SYTL2: variants seen among roughly 807,000 people sequenced by gnomAD.
The protein encoded by SYTL2 is synaptotagmin like 2.
SYTL2 carries 165 observed loss-of-function variants against 198.7 expected under a neutral mutation model. The ratio of observed to expected loss-of-function variants is 0.83; its 90% confidence interval spans 0.73 to 0.94. SYTL2 has a LOEUF of 0.94. Ranked by LOEUF, SYTL2 falls within the 40% of genes least tolerant of loss-of-function variation. The pLI is 0.00. For missense variants in SYTL2, 2,835 were observed against 2,582.8 expected, an observed-to-expected ratio of 1.10 and a Z score of -2.12; for synonymous variants, 966 against 917.7, an observed-to-expected ratio of 1.05 and a Z score of -0.95.
rs559241179 is a variant in SYTL2, at chr11:85,745,694, G to A, written c.332C>T (p.Pro111Leu). 4.0e-5 allele frequency: 65 copies of A among 1,613,856 alleles called. No individual in the cohort carries two copies. In the South Asian group the frequency reaches 6.4e-4, roughly 16 times the overall value. Residue 111 changes from proline to leucine, a missense_variant, in exon 4 of 20, where the codon CCA (proline) becomes CTA (leucine). Pro to Leu is a moderately conservative substitution (Grantham distance 98, BLOSUM62 -3). Transcript: ENST00000359152. ...CTCTTCTACAACGCCAGCCAGCTCTGGAGGAAGGAAAGCATCTTTGTTGAC... is the reference window on the plus strand; with the variant it reads ...CTCTTCTACAACGCCAGCCAGCTCTAGAGGAAGGAAAGCATCTTTGTTGAC... The part of the protein sequence containing the change: ...NNVNKDAFLP[P>L]ELAGVVEEPE...
intron 10 of SYTL2, among the ~76,000 whole-genome samples, chr11:85,718,078 T>G (rs1272520857): frequency 6.6e-6 from 1 of 152,206 alleles, no homozygotes; most frequent in Non-Finnish European, 1.5e-5. Flanking sequence ...ATGATTATAG[T>G]GAAGGCAAAT....
chr11:85,799,575 C>A (rs893353900), intron 1 of SYTL2, among the ~76,000 whole-genome samples: 10 of 152,234 alleles, frequency 6.6e-5, no homozygotes, highest in Non-Finnish European at 1.3e-4. Flanking sequence ...CAGCCCACTA[C>A]CTACTTCACT....
chr11:85,853,279 AAAG>A, the SYTL2 span: 1 of 437,642 alleles, frequency 2.3e-6, no homozygotes, highest in East Asian at 7.8e-5. Context: ...TGAGTAGAAA[AAAG>A]TAGACATAGG....
chr11:85,728,477 G>C (rs1478585165), intron 7 of SYTL2, among the ~76,000 whole-genome samples: 1 of 151,868 alleles, frequency 6.6e-6, no homozygotes, highest in African/African-American at 2.4e-5. Context: ...AGTAGAGACG[G>C]GGTTTCACCA....
chr11:85,723,218 C>T (rs745565231), intron 8 of SYTL2, among the ~76,000 whole-genome samples: 40 of 152,298 alleles, frequency 2.6e-4, no homozygotes, highest in Admixed American at 1.2e-3. Flanking sequence ...AACGCCCCCA[C>T]GTTCATGTAG....
chr11:85,845,560 C>T, the SYTL2 span, among the ~76,000 whole-genome samples: 2 of 151,926 alleles, frequency 1.3e-5, no homozygotes, highest in Admixed American at 1.3e-4. Context: ...CCTAGGAGTT[C>T]AAGGTGAGCC....
chr11:85,749,202 A>T (rs569141098), intron 2 of SYTL2, among the ~76,000 whole-genome samples: 15 of 152,328 alleles, frequency 9.8e-5, no homozygotes, highest in Non-Finnish European at 1.6e-4. Flanking sequence ...ACTTTGTTCT[A>T]ACTGACAAGT....
At chr11:85,793,696 C>T (rs532018) in intron 1 of SYTL2, among the ~76,000 whole-genome samples, 150,456 of 152,324 alleles carry the variant, frequency 0.99, 74,401 homozygotes, top group Middle Eastern at 1. Context: ...GGAAATTGTT[C>T]CAACAGACAA....
chr11:85,815,335 T>A (rs1001306215), upstream of SYTL2, among the ~76,000 whole-genome samples: 8 of 152,232 alleles, frequency 5.3e-5, no homozygotes, highest in African/African-American at 1.9e-4. Context: ...GGTAATGTGG[T>A]TAGATGACTT....
At chr11:85,705,737 G>A (rs753355651) in intron 15 of SYTL2, among the ~76,000 whole-genome samples, 2 of 152,122 alleles carry the variant, frequency 1.3e-5, no homozygotes, top group Non-Finnish European at 2.9e-5. Context: ...CTACTTGAAT[G>A]TCCACTGTGG....
intron 1 of SYTL2, among the ~76,000 whole-genome samples, chr11:85,804,920 A>G (rs1287720290): frequency 6.6e-6 from 1 of 152,180 alleles, no homozygotes; most frequent in Non-Finnish European, 1.5e-5. Context: ...GTAGCACCAG[A>G]AAGGAATGAA....
chr11:85,777,812 C>CTTTTTTTTTTTTTTTTT (rs57873368), intron 1 of SYTL2, among the ~76,000 whole-genome samples: 3 of 63,330 alleles, frequency 4.7e-5, no homozygotes, highest in African/African-American at 1.1e-4. Context: ...GGTCTTACTT[C>CTTTTTTTTTTTTTTTTT]TTTTTTTTTT....
At chr11:85,791,180 A>AC (rs2092724853) in intron 1 of SYTL2, among the ~76,000 whole-genome samples, 1 of 150,418 alleles carries the variant, frequency 6.6e-6, no homozygotes, top group East Asian at 1.9e-4. Context: ...AAAAAAAAAA[A>AC]AAAAAAAAAA....
At chr11:85,833,035 G>A in the SYTL2 span, among the ~76,000 whole-genome samples, 1 of 18,986 alleles carries the variant, frequency 5.3e-5, no homozygotes, top group Non-Finnish European at 9.6e-5. Context: ...AAGAAAGAAA[G>A]AAAGAAAGAA....
chr11:85,709,313 A>G lies in SYTL2; in HGVS notation c.5915+18T>C, dbSNP rs1327655658. 1 of 1,612,392 alleles carries G rather than the reference A, an allele frequency of 6.2e-7. No individual in the cohort carries two copies. Among genetic ancestry groups the G allele is most frequent in the Non-Finnish European group, 8.5e-7 (1 of 1,178,794 alleles). On this transcript the variant is annotated intron_variant, in intron 14 of 19. Coordinates refer to ENST00000359152, the MANE Select transcript of SYTL2 (RefSeq NM_206927.4). ...TTGGAGAACTAAGAGAAGGTAGGTG[A>G]CTCTAAAATGTACTTACGGGTCTGA...
At chr11:85,746,139 G>C (rs2091141823) in intron 3 of SYTL2, among the ~76,000 whole-genome samples, 2 of 152,196 alleles carry the variant, frequency 1.3e-5, no homozygotes, top group Admixed American at 1.3e-4. Context: ...CAGTGGGATA[G>C]AAGCACCATC....
Position 85,718,806 on chromosome 11 carries a change from C to T in SYTL2, c.5466G>A (p.Val1822=). 1 of 1,613,588 alleles carries T rather than the reference C, an allele frequency of 6.2e-7. No homozygotes were observed. Among genetic ancestry groups the T allele is most frequent in the Non-Finnish European group, 8.5e-7 (1 of 1,179,642 alleles). ...AKVDNQPEEL[V]RSAEDDEKPD... is the part of the protein sequence containing the mutation. The stretch of plus-strand genomic sequence containing the variant: ...GATATTTACCATCTTCAGCACTACG[C>T]ACTAATTCTTCTGGCTGATTATCTA... Residue 1822 remains valine (V), a synonymous_variant, in exon 10 of 20, where the codon GTG becomes GTA. Transcript: ENST00000359152.
chr11:85,853,534 A>G, the SYTL2 span: 1 of 209,870 alleles, frequency 4.8e-6, no homozygotes, highest in Non-Finnish European at 9.9e-6. Flanking sequence ...GGAAGGCCAC[A>G]GGGTCCTCTG....
At chr11:85,741,817 G>A (rs371245804) in intron 4 of SYTL2, among the ~76,000 whole-genome samples, 39 of 152,254 alleles carry the variant, frequency 2.6e-4, no homozygotes, top group Middle Eastern at 3.4e-3. Context: ...TTAATTGATT[G>A]GTTCCTATTC....
Sources: allele counts gnomAD v4.1 joint callset (sites outside exome capture counted in the v4.1 genomes callset), GRCh38; gene constraint gnomAD v4.1.1; transcripts MANE v1.5; gene names NCBI Gene and HGNC (gene_info 2026-07-23, HGNC 2026-07-21).